PCDHGB6: variants seen among roughly 807,000 people sequenced by gnomAD.
The protein encoded by PCDHGB6 is protocadherin gamma subfamily B, 6, also known as protocadherin gamma-B6.
PCDHGB6 carries 51 observed loss-of-function variants against 59.1 expected under a neutral mutation model. The observed-to-expected ratio is 0.86, with a 90% CI of 0.69 to 1.09. The LOEUF is 1.09. Ranked by LOEUF, PCDHGB6 falls within the 50% of genes least tolerant of loss-of-function variation. The pLI is 0.00. For synonymous variants in PCDHGB6, 466 were observed against 495.1 expected (o/e 0.94, Z 0.78); for missense variants, 1,148 against 1,205.1 (o/e 0.95, Z 0.70).
At chr5:141,484,347 T>C (rs569724902) in intron 1 of PCDHGB6, among the ~76,000 whole-genome samples, 2 of 152,302 alleles carry the variant, frequency 1.3e-5, no homozygotes, top group East Asian at 1.9e-4. Flanking sequence ...AATGGTAATT[T>C]AGTGTATCTA....
chr5:141,454,128 C>T (rs988254902), intron 1 of PCDHGB6, among the ~76,000 whole-genome samples: 4 of 152,122 alleles, frequency 2.6e-5, no homozygotes, highest in African/African-American at 7.2e-5. Flanking sequence ...AATAGCTGAC[C>T]ATGGGAATGT....
chr5:141,457,054 T>C (rs1410535170), intron 1 of PCDHGB6, among the ~76,000 whole-genome samples: 1 of 152,242 alleles, frequency 6.6e-6, no homozygotes, highest in Non-Finnish European at 1.5e-5. Context: ...ACTTTCATGC[T>C]TCCTTTTTGC....
At chr5:141,437,741 C>CT (rs35124340) in intron 1 of PCDHGB6, among the ~76,000 whole-genome samples, 18,734 of 141,656 alleles carry the variant, frequency 0.13, 1,459 homozygotes, top group African/African-American at 0.22. Context: ...TTGAGTTCAC[C>CT]TTTTTTTTTT....
intron 1 of PCDHGB6, chr5:141,419,045 T>G (rs1473408777): frequency 6.2e-7 from 1 of 1,613,710 alleles, no homozygotes; most frequent in Non-Finnish European, 8.5e-7. Context: ...TAAGATTCAT[T>G]CTTCTTCTAA....
intron 1 of PCDHGB6, among the ~76,000 whole-genome samples, chr5:141,445,007 G>A (rs771023003): frequency 1.5e-4 from 23 of 151,994 alleles, no homozygotes; most frequent in Non-Finnish European, 2.4e-4. Flanking sequence ...ATTTAATTAG[G>A]TCTTTAATTT....
rs371076854 is a variant in PCDHGB6 at position 141,410,249 on chromosome 5, G to A, written c.2047G>A (p.Asp683Asn). 1.2e-6 allele frequency: 2 copies of A among 1,613,992 alleles called. No individual in the cohort carries two copies. Among genetic ancestry groups the A allele is most frequent in the Non-Finnish European group, 8.5e-7 (1 of 1,179,888 alleles). Residue 683 changes from aspartate (D) to asparagine (N), a missense_variant, in exon 1 of 4, where the codon GAC (aspartate) becomes AAC (asparagine). Transcript: ENST00000520790. ...CCTCAGCGACCGCCCTGTACTCTCT[G>A]ACCCCCAGGCTGAACTGCAGTTTTA... is the stretch of plus-strand genomic sequence containing the variant. ...PDLSDRPVLS[D>N]PQAELQFYLV...
At position 141,476,294 on chromosome 5, in the gene PCDHGB6, A is replaced by T. The variant is rs376905832; in HGVS notation, c.2419-18513A>T. On this transcript the variant is annotated intron_variant, in intron 1 of 3. Coordinates refer to ENST00000520790, the MANE Select transcript of PCDHGB6 (RefSeq NM_018926.3). The surrounding 1 kb of genome is among the most constrained non-coding windows in gnomAD (Gnocchi z 7.6). ...CGCGAACCTTGGTTTGGATCTCGGT[A>T]GCCTCTCAGCCCGCAGGTTCCGGGT... is the stretch of plus-strand genomic sequence containing the variant. 2 of 1,613,036 alleles carry T rather than the reference A, an allele frequency of 1.2e-6. No homozygotes were observed. The highest frequency in any genetic ancestry group is 1.7e-6 in the Non-Finnish European group (2 of 1,179,642).
rs979237199 is a variant in PCDHGB6, at chr5:141,477,828, G to C, written c.2419-16979G>C. On this transcript the variant is annotated intron_variant, in intron 1 of 3. Transcript: ENST00000520790. This position sits in a 1 kb window ranked among gnomAD's most constrained non-coding sequence, Gnocchi z 4.9. Reference sequence around the variant, plus strand: ...AATGCCCCCCAGGTCCTATATCCTCGGCCAGGTGGGAGCTCGGTGGAGATG... The same window carrying C: ...AATGCCCCCCAGGTCCTATATCCTCCGCCAGGTGGGAGCTCGGTGGAGATG... The C allele has an allele frequency of 3.7e-6, 6 of 1,614,082 alleles. No individual in the cohort carries two copies. The highest frequency in any genetic ancestry group is 3.4e-6 in the Non-Finnish European group (4 of 1,180,006).
intron 2 of PCDHGB6, among the ~76,000 whole-genome samples, chr5:141,503,269 C>T (rs1161751693): frequency 6.6e-6 from 1 of 152,116 alleles, no homozygotes; most frequent in Non-Finnish European, 1.5e-5. Flanking sequence ...ACCCCAGCAC[C>T]TGGCTCTGTG....
At chr5:141,494,564 G>A (rs2099755274) in intron 1 of PCDHGB6, among the ~76,000 whole-genome samples, 1 of 152,138 alleles carries the variant, frequency 6.6e-6, no homozygotes, top group Non-Finnish European at 1.5e-5. Context: ...TTTAGGAAAG[G>A]AGTCTCAGCT....
chr5:141,455,492 T>G (rs958076901), intron 1 of PCDHGB6, among the ~76,000 whole-genome samples: 10 of 152,188 alleles, frequency 6.6e-5, no homozygotes, highest in Non-Finnish European at 1.2e-4. Context: ...GGAGGTGATG[T>G]CTGATTTGCA....
Position 141,485,668 on chromosome 5 carries a change from T to C in PCDHGB6, c.2419-9139T>C. 6.2e-7 allele frequency: 1 copy of C among 1,612,698 alleles called. No homozygotes were observed. The highest frequency in any genetic ancestry group is 1.3e-5 in the African/African-American group (1 of 74,972). ...CTCAGGATGCAGATGTGGGGAGCAA[T>C]TCGATTAGCAGCTATAGGCTGAGCT... On this transcript the variant is annotated intron_variant, in intron 1 of 3. Transcript: ENST00000520790. The surrounding 1 kb of genome is among the most constrained non-coding windows in gnomAD (Gnocchi z 5.7).
At chr5:141,430,628 C>A in intron 1 of PCDHGB6, 2 of 798,952 alleles carry the variant, frequency 2.5e-6, no homozygotes, top group Non-Finnish European at 3.7e-6. Context: ...TAGGAATGAA[C>A]CATCCCTGGG....
chr5:141,420,186 C>A, intron 1 of PCDHGB6: 1 of 1,613,696 alleles, frequency 6.2e-7, no homozygotes, highest in Non-Finnish European at 8.5e-7. Context: ...CATTGTCCAG[C>A]CACACAAGAT....
chr5:141,427,907 C>T, intron 1 of PCDHGB6: 1 of 1,575,688 alleles, frequency 6.3e-7, no homozygotes, highest in Non-Finnish European at 8.7e-7. Flanking sequence ...CCGCGCTCAG[C>T]GCCAACATGA....
chr5:141,482,032 C>T (rs1370023352), intron 1 of PCDHGB6, among the ~76,000 whole-genome samples: 1 of 151,018 alleles, frequency 6.6e-6, no homozygotes, highest in African/African-American at 2.4e-5. Flanking sequence ...TTGCAGTGAG[C>T]CAAGATCATG....
Position 141,491,900 on chromosome 5 carries a change from G to T in PCDHGB6, c.2419-2907G>T. The T allele has an allele frequency of 7.0e-7, 1 of 1,429,936 alleles. No homozygotes were observed. The highest frequency in any genetic ancestry group is 1.5e-5 in the South Asian group (1 of 67,072). 88.6% of individuals were successfully genotyped at this position (1,429,936 alleles called of 1,614,324 possible). A position where few individuals can be genotyped will look rare whatever the true frequency, so the allele number is the denominator to read the frequency against. ...TAAGGGATGGGGCTCCGAGCACCGG[G>T]GGTGGTGGCGACTGTGGGCGAGGGG... On this transcript the variant is annotated intron_variant, in intron 1 of 3. Transcript: ENST00000520790. This position sits in a 1 kb window ranked among gnomAD's most constrained non-coding sequence, Gnocchi z 6.9.
At chr5:141,495,065 T>C (rs1413025171) in intron 2 of PCDHGB6, among the ~76,000 whole-genome samples, 200 bp downstream of exon 2, 1 of 152,148 alleles carries the variant, frequency 6.6e-6, no homozygotes, top group Admixed American at 6.5e-5. Flanking sequence ...TTCAGGAAGC[T>C]CAATTCACAT....
chr5:141,435,760 T>C (rs1241767830), intron 1 of PCDHGB6, among the ~76,000 whole-genome samples: 1 of 152,172 alleles, frequency 6.6e-6, no homozygotes, highest in Non-Finnish European at 1.5e-5. Context: ...TTGATTTCTT[T>C]TGGTGAATTC....
Sources: allele counts gnomAD v4.1 joint callset (sites outside exome capture counted in the v4.1 genomes callset), GRCh38; gene constraint gnomAD v4.1.1; non-coding constraint Gnocchi (gnomAD v3.1); transcripts MANE v1.5; gene names NCBI Gene and HGNC (gene_info 2026-07-23, HGNC 2026-07-21).